The following STK39 variants were observed in gnomAD, a reference collection of about 807,000 sequenced individuals.
STK39 encodes serine/threonine kinase 39, also known as STE20/SPS1-related proline-alanine-rich protein kinase.
A neutral mutation model predicts 77.8 loss-of-function variants in STK39; 20 were observed. The ratio of observed to expected loss-of-function variants is 0.26; its 90% CI spans 0.18 to 0.37. STK39 has a LOEUF of 0.37. Ranked by LOEUF, STK39 falls within the 10% of genes least tolerant of loss-of-function variation. The pLI is 1.00. For missense variants in STK39, 479 were observed against 656.5 expected (o/e 0.73, Z 2.95); for synonymous variants, 246 against 234.1 (o/e 1.05, Z -0.47).
intron 13 of STK39, among the ~76,000 whole-genome samples, chr2:168,063,951 G>C (rs1685729210): frequency 6.6e-6 from 1 of 152,148 alleles, no homozygotes; most frequent in Non-Finnish European, 1.5e-5. Flanking sequence ...GAGGAAGGCG[G>C]GGCCCAGAAG....
Position 167,998,871 on chromosome 2 carries a change from G to C in STK39, c.1498+13763C>G, listed in dbSNP as rs1683920667. ...CTATCTGTGGTTCCTACTCACCTCA[G>C]TCAAACGAAAATCAAATTCAGGCAG... On this transcript the variant is annotated intron_variant, in intron 16 of 17. Transcript: ENST00000355999. Among the ~76,000 whole-genome samples, 6 of 152,260 alleles carry C rather than the reference G, an allele frequency of 3.9e-5. 1 individual carries two copies. The South Asian group carries it at 1.2e-3, about 32-fold the overall frequency.
chr2:167,997,567 A>G (rs1358816327), intron 16 of STK39, among the ~76,000 whole-genome samples: 2 of 152,178 alleles, frequency 1.3e-5, no homozygotes, highest in African/African-American at 4.8e-5. Flanking sequence ...CAAGTCACAT[A>G]TCTTCACTGA....
At chr2:168,127,360 G>A (rs115565689) in intron 10 of STK39, among the ~76,000 whole-genome samples, 1,641 of 152,172 alleles carry the variant, frequency 0.011, 27 homozygotes, top group African/African-American at 0.037. Context: ...CACATTGGCC[G>A]GGATGGTCTC....
At chr2:167,984,684 A>C (rs2105272860) in intron 16 of STK39, among the ~76,000 whole-genome samples, 1 of 152,292 alleles carries the variant, frequency 6.6e-6, no homozygotes, top group East Asian at 1.9e-4. Context: ...GGAAAACATA[A>C]AATTTTGGCT....
rs188715664 is a variant in STK39, at chr2:168,064,643, T to C, written c.1305+676A>G. ...AACAGAAATGAATTTAAATTGAATA[T>C]GCAGAGTTTGAAAGAAAGAAAATTA... On this transcript the variant is annotated intron_variant, in intron 13 of 17. Coordinates refer to ENST00000355999, the MANE Select transcript of STK39 (RefSeq NM_013233.3). 3.2e-3 allele frequency among the ~76,000 whole-genome samples: 494 copies of C among 152,346 alleles called. 7 individuals carry two copies. The highest frequency in any genetic ancestry group is 0.011 in the African/African-American group (456 of 41,564).
At chr2:168,059,486 C>T (rs1388860615) in intron 14 of STK39, among the ~76,000 whole-genome samples, 2 of 152,080 alleles carry the variant, frequency 1.3e-5, no homozygotes, top group African/African-American at 4.8e-5. Context: ...CACAGCTGCT[C>T]CTGAAAGGGC....
chr2:168,204,186 A>G (rs1689682458), intron 1 of STK39, among the ~76,000 whole-genome samples: 1 of 152,212 alleles, frequency 6.6e-6, no homozygotes, highest in Non-Finnish European at 1.5e-5. Flanking sequence ...CTAAATGCCT[A>G]AATACACAAG....
chr2:168,024,544 C>T (rs1238072704), intron 14 of STK39, among the ~76,000 whole-genome samples: 1 of 152,162 alleles, frequency 6.6e-6, no homozygotes, highest in Non-Finnish European at 1.5e-5. Flanking sequence ...CTCTCTCACC[C>T]TCTCTTTGCA....
intron 5 of STK39, among the ~76,000 whole-genome samples, chr2:168,142,970 CAGTT>C (rs1299712731): frequency 1.3e-5 from 2 of 152,166 alleles, no homozygotes; most frequent in African/African-American, 4.8e-5. Context: ...TTGCATATGA[CAGTT>C]AGAACAAGGT....
chr2:168,031,918 T>A (rs1031087633), intron 14 of STK39, among the ~76,000 whole-genome samples: 3 of 152,208 alleles, frequency 2.0e-5, no homozygotes, highest in African/African-American at 7.2e-5. Flanking sequence ...ACTAAATTTG[T>A]TCTCGGCCTC....
intron 14 of STK39, among the ~76,000 whole-genome samples, chr2:168,037,684 C>T (rs773779580): frequency 6.6e-6 from 1 of 152,064 alleles, no homozygotes; most frequent in Non-Finnish European, 1.5e-5. Flanking sequence ...GTGTAAACAG[C>T]ATGGCACAAA....
intron 1 of STK39, among the ~76,000 whole-genome samples, chr2:168,228,924 T>A (rs895019506): frequency 1.3e-5 from 2 of 152,166 alleles, no homozygotes; most frequent in Admixed American, 6.6e-5. Flanking sequence ...ACAATTCTAA[T>A]CCCACGTCCA....
intron 12 of STK39, 25 bp from the exon 13 acceptor site, chr2:168,065,406 C>G: frequency 6.2e-7 from 1 of 1,613,370 alleles, no homozygotes; most frequent in Non-Finnish European, 8.5e-7. Flanking sequence ...ACCGTTACAG[C>G]ATTCAAGAAA....
intron 10 of STK39, among the ~76,000 whole-genome samples, chr2:168,119,601 C>T (rs886984606): frequency 2.6e-5 from 4 of 152,142 alleles, no homozygotes; most frequent in Non-Finnish European, 5.9e-5. Context: ...AGGGACCTAA[C>T]ACCCCTTTGA....
intron 10 of STK39, among the ~76,000 whole-genome samples, chr2:168,108,787 C>T (rs1267507852): frequency 6.6e-6 from 1 of 152,166 alleles, no homozygotes; most frequent in South Asian, 2.1e-4. Flanking sequence ...TCTAACATAT[C>T]ATCAGTTTAG....
At chr2:167,968,190 T>C (rs962896541) in intron 16 of STK39, among the ~76,000 whole-genome samples, 2 of 152,252 alleles carry the variant, frequency 1.3e-5, no homozygotes, top group Admixed American at 6.5e-5. Flanking sequence ...CAATCCACTG[T>C]TGACAGGCAC....
At chr2:168,047,057 AT>A (rs1685261979) in intron 14 of STK39, among the ~76,000 whole-genome samples, 1 of 152,226 alleles carries the variant, frequency 6.6e-6, no homozygotes, top group Admixed American at 6.5e-5. Flanking sequence ...AGAATGAAGC[AT>A]TGTTAAATAT....
chr2:167,996,987 A>G (rs903283955), intron 16 of STK39, among the ~76,000 whole-genome samples: 1 of 150,626 alleles, frequency 6.6e-6, no homozygotes, highest in Non-Finnish European at 1.5e-5. Context: ...AGAAAACTAA[A>G]CCAGGAGGTA....
intron 1 of STK39, among the ~76,000 whole-genome samples, chr2:168,245,231 G>C (rs182750889): frequency 6.6e-6 from 1 of 152,142 alleles, no homozygotes; most frequent in African/African-American, 2.4e-5. Context: ...GCTCAACTAC[G>C]ACCTCTACTA....
Sources: gnomAD v4.1 joint callset for allele counts (sites outside exome capture counted in the v4.1 genomes callset) on GRCh38, gnomAD v4.1.1 for gene constraint, MANE v1.5 for transcripts, NCBI Gene and HGNC (gene_info 2026-07-23, HGNC 2026-07-21) for gene names.